The following LONP2 variants were observed in gnomAD, a reference collection of about 807,000 sequenced individuals.
LONP2 encodes the protein lon peptidase 2, peroxisomal, also known as lon protease homolog 2, peroxisomal.
LONP2 carries 60 observed loss-of-function variants against 85.6 expected under a neutral mutation model. That is an observed-to-expected ratio of 0.70 (90% CI 0.57 to 0.87). LONP2 has a LOEUF of 0.87. LONP2 is among the 40% of genes least tolerant of loss of function. The probability of loss-of-function intolerance (pLI) is 0.00; values close to 1 mark genes in which losing one functional copy is unlikely to be tolerated. For missense variants in LONP2, 860 were observed against 1,063.5 expected (o/e 0.81, Z 2.66); for synonymous variants, 395 against 389.7 (o/e 1.01, Z -0.16).
At chr16:48,327,574 T>A (rs1383831705) in intron 11 of LONP2, among the ~76,000 whole-genome samples, 3 of 152,076 alleles carry the variant, frequency 2.0e-5, no homozygotes, top group African/African-American at 7.2e-5. Context: ...TCTCATGTGT[T>A]AGCCTCTCAA....
intron 11 of LONP2, among the ~76,000 whole-genome samples, chr16:48,321,980 C>T (rs913044273): frequency 3.3e-5 from 5 of 149,752 alleles, no homozygotes; most frequent in African/African-American, 1.2e-4. Context: ...TTTTTTGAGA[C>T]AGGCTGTGTT....
chr16:48,257,853 G>A (rs1426086555), intron 3 of LONP2, among the ~76,000 whole-genome samples: 2 of 152,194 alleles, frequency 1.3e-5, no homozygotes, highest in African/African-American at 2.4e-5. Flanking sequence ...GTTTTACTGC[G>A]GGAACAGAGA....
rs1161233432 is a variant in LONP2, at chr16:48,244,464, G to T, written c.76G>T (p.Gly26Cys). The T allele has an allele frequency of 6.3e-7, 1 of 1,596,948 alleles. No homozygotes were observed. The highest frequency in any genetic ancestry group is 8.5e-7 in the Non-Finnish European group (1 of 1,175,864). The stretch of plus-strand genomic sequence containing the variant: ...CACCCACGAGGGCGTCCTGCTGCCC[G>T]GCTCCACCATGCGCACCAGCGTGGA... ...LLTHEGVLLP[G>C]STMRTSVDSA... is the part of the protein sequence containing the mutation. Residue 26 changes from glycine (G) to cysteine (C), a missense_variant, in exon 1 of 15, where the codon GGC (glycine) becomes TGC (cysteine). This residue lies in a region of LONP2 where 743 missense variants were observed against 917.3 expected (regional missense o/e 0.81). Transcript: ENST00000285737.
intron 11 of LONP2, among the ~76,000 whole-genome samples, chr16:48,318,765 G>A (rs1272776952): frequency 6.6e-6 from 1 of 152,178 alleles, no homozygotes; most frequent in Non-Finnish European, 1.5e-5. Flanking sequence ...GACTATGCAA[G>A]CGCCTCTTCT....
intron 11 of LONP2, among the ~76,000 whole-genome samples, chr16:48,333,494 A>G (rs1959532645): frequency 6.6e-6 from 1 of 152,156 alleles, no homozygotes; most frequent in South Asian, 2.1e-4. Flanking sequence ...CCAGGTTTAC[A>G]TTGCCCGTTA....
intron 11 of LONP2, among the ~76,000 whole-genome samples, chr16:48,315,758 T>G (rs1973126933): frequency 6.6e-6 from 1 of 152,112 alleles, no homozygotes; most frequent in African/African-American, 2.4e-5. Context: ...TTCTTCCCAT[T>G]TTTTTACTCT....
intron 6 of LONP2, among the ~76,000 whole-genome samples, chr16:48,268,609 C>G (rs1213365234): frequency 6.6e-6 from 1 of 152,062 alleles, no homozygotes; most frequent in Admixed American, 6.6e-5. Context: ...TTTATGTTTA[C>G]TGTGGTAGGT....
intron 11 of LONP2, among the ~76,000 whole-genome samples, chr16:48,326,079 T>C (rs1032213101): frequency 1.3e-5 from 2 of 152,242 alleles, no homozygotes; most frequent in African/African-American, 4.8e-5. Context: ...AGACTGGATC[T>C]TTAAGCTTCT....
intron 9 of LONP2, among the ~76,000 whole-genome samples, chr16:48,297,506 C>T (rs1009270198): frequency 3.0e-4 from 45 of 152,160 alleles, no homozygotes; most frequent in Admixed American, 1.0e-3. Flanking sequence ...GACAGGGTTT[C>T]GCCATATTGG....
At chr16:48,278,713 G>A (rs1406978428) in intron 8 of LONP2, among the ~76,000 whole-genome samples, 3 of 151,836 alleles carry the variant, frequency 2.0e-5, no homozygotes, top group African/African-American at 7.3e-5. Context: ...CTTTATCCTG[G>A]GATTCTGAAA....
At chr16:48,288,357 G>A (rs1437732346) in intron 8 of LONP2, among the ~76,000 whole-genome samples, 2 of 151,914 alleles carry the variant, frequency 1.3e-5, no homozygotes, top group African/African-American at 2.4e-5. Flanking sequence ...CTTTCACCAT[G>A]TTGGTTAGGC....
chr16:48,359,493 G>A (rs1359113937), downstream of LONP2, among the ~76,000 whole-genome samples: 2 of 152,112 alleles, frequency 1.3e-5, no homozygotes, highest in African/African-American at 2.4e-5. Context: ...GGAGGCAGGC[G>A]GATCACAAGG....
intron 13 of LONP2, 111 bp downstream of exon 13, chr16:48,347,825 C>T (rs1597004609): frequency 5.0e-6 from 5 of 1,007,710 alleles, no homozygotes; most frequent in African/African-American, 1.6e-5. Flanking sequence ...AAGTACACAC[C>T]GTTTTGAACC....
At chr16:48,332,325 CA>C (rs1212929134) in intron 11 of LONP2, among the ~76,000 whole-genome samples, 1 of 152,088 alleles carries the variant, frequency 6.6e-6, no homozygotes, top group Non-Finnish European at 1.5e-5. Flanking sequence ...CCTGTAATCC[CA>C]ACACTATGGG....
At chr16:48,250,761 C>T (rs564184290) in intron 1 of LONP2, among the ~76,000 whole-genome samples, 1 of 152,314 alleles carries the variant, frequency 6.6e-6, no homozygotes, top group African/African-American at 2.4e-5. Context: ...ATTCTCTAAT[C>T]AGTTTAGAGG....
Position 48,351,642 on chromosome 16 carries a change from T to C in LONP2, c.2399T>C (p.Ile800Thr). 1 of 1,614,108 alleles carries C rather than the reference T, an allele frequency of 6.2e-7. No individual in the cohort carries two copies. The highest frequency in any genetic ancestry group is 1.1e-5 in the South Asian group (1 of 91,074). Residue 800 changes from isoleucine to threonine, a missense_variant, in exon 15 of 15, where the codon ATT becomes ACT. This residue lies in a region of LONP2 where 115 missense variants were observed against 129.0 expected (regional missense o/e 0.89). Transcript: ENST00000285737. ...AGAGCGGGACTGAAGCAAGTCATTATTCCTCGGAGAAATGAAAAAGACCTT... is the reference window on the plus strand; with the variant it reads ...AGAGCGGGACTGAAGCAAGTCATTACTCCTCGGAGAAATGAAAAAGACCTT... ...AHRAGLKQVI[I>T]PRRNEKDLEG...
intron 11 of LONP2, among the ~76,000 whole-genome samples, chr16:48,326,501 T>C (rs1959241954): frequency 1.3e-5 from 2 of 152,122 alleles, no homozygotes; most frequent in Admixed American, 1.3e-4. Context: ...GTATAGAGAA[T>C]AAGGAGTGAT....
chr16:48,345,179 C>T (rs991504453), intron 12 of LONP2: 1 of 152,230 alleles, frequency 6.6e-6, no homozygotes, highest in African/African-American at 2.4e-5. Context: ...GAGATCATGC[C>T]TCTGCACTCC....
chr16:48,249,905 CT>C (rs1971587426), intron 1 of LONP2, among the ~76,000 whole-genome samples: 1 of 151,510 alleles, frequency 6.6e-6, no homozygotes, highest in Non-Finnish European at 1.5e-5. Context: ...AAGAAAACCC[CT>C]TTTGGCCAGG....
Sources: allele counts gnomAD v4.1 joint callset (sites outside exome capture counted in the v4.1 genomes callset), GRCh38; gene constraint gnomAD v4.1.1; regional missense constraint gnomAD v4.1.1; transcripts MANE v1.5; gene names NCBI Gene and HGNC (gene_info 2026-07-23, HGNC 2026-07-21).